ZMYM2: variants seen among roughly 807,000 people sequenced by gnomAD.
ZMYM2 encodes the protein zinc finger MYM-type protein 2.
ZMYM2 carries 56 observed loss-of-function variants against 162.8 expected under a neutral mutation model. The ratio of observed to expected loss-of-function variants is 0.34; its 90% CI spans 0.28 to 0.43. The LOEUF (loss-of-function observed/expected upper bound fraction) is 0.43. Ranked by LOEUF, ZMYM2 falls within the 20% of genes least tolerant of loss-of-function variation. ZMYM2 has a pLI of 1.00. For missense variants in ZMYM2, 1,275 were observed against 1,621.8 expected (o/e 0.79, Z 3.67); for synonymous variants, 510 against 541.6 (o/e 0.94, Z 0.81).
the ZMYM2 span, among the ~76,000 whole-genome samples, chr13:19,930,447 T>A: frequency 1.3e-5 from 2 of 152,218 alleles, no homozygotes; most frequent in Admixed American, 1.3e-4. Context: ...CTATTATTTT[T>A]AAAATTATCT....
At chr13:20,066,721 C>A (rs1413021845) in intron 19 of ZMYM2, 130 bp from the exon 20 acceptor site, 2 of 801,536 alleles carry the variant, frequency 2.5e-6, no homozygotes, top group Non-Finnish European at 3.5e-6. Flanking sequence ...TCCAAGTGGA[C>A]CCCTGCAGTT....
rs750397738 is a variant in ZMYM2, at chr13:20,062,803, G to T, written c.2912-43G>T. 1.5e-5 allele frequency: 23 copies of T among 1,495,116 alleles called. No individual in the cohort carries two copies. The South Asian group carries it at 2.2e-4, about 15-fold the overall frequency. 92.6% of individuals were successfully genotyped at this position (1,495,116 alleles called of 1,614,324 possible). A position where few individuals can be genotyped will look rare whatever the true frequency, so the allele number is the denominator to read the frequency against. On this transcript the variant is annotated intron_variant, in intron 17 of 24. Transcript: ENST00000610343. ...CAGATTAAATACAGATACCATTGGG[G>T]TTTTCTGTTTTGATTCCTAATGATA...
the ZMYM2 span, among the ~76,000 whole-genome samples, chr13:19,941,720 C>T: frequency 3.3e-4 from 21 of 63,000 alleles, no homozygotes; most frequent in Admixed American, 7.7e-4. Context: ...TGGCTTTCTG[C>T]TTTTTTTTTT....
At chr13:19,885,354 C>A in the ZMYM2 span, among the ~76,000 whole-genome samples, 1 of 152,174 alleles carries the variant, frequency 6.6e-6, no homozygotes, top group Non-Finnish European at 1.5e-5. Flanking sequence ...GTTTCTTAAG[C>A]TAGGATAAGA....
At chr13:19,885,871 A>ATGTG in the ZMYM2 span, among the ~76,000 whole-genome samples, 1 of 50,224 alleles carries the variant, frequency 2.0e-5, no homozygotes, top group Non-Finnish European at 5.3e-5. Context: ...AAATATATAT[A>ATGTG]TGTATATACA....
intron 2 of ZMYM2, among the ~76,000 whole-genome samples, chr13:19,973,914 C>T (rs907266092): frequency 6.6e-6 from 1 of 151,800 alleles, no homozygotes; most frequent in Non-Finnish European, 1.5e-5. Flanking sequence ...TATGTGTGGC[C>T]CAAGACAGTT....
chr13:20,043,943 GC>G (rs1954522588), intron 12 of ZMYM2, among the ~76,000 whole-genome samples: 1 of 152,092 alleles, frequency 6.6e-6, no homozygotes, highest in South Asian at 2.1e-4. Flanking sequence ...CAGGGTAGAA[GC>G]TATGATGGGG....
chr13:19,949,835 C>T, the ZMYM2 span, among the ~76,000 whole-genome samples: 8 of 136,630 alleles, frequency 5.9e-5, no homozygotes, highest in South Asian at 2.3e-4. Context: ...TGCAGCAAGT[C>T]GAGATCACGC....
chr13:19,976,480 G>A (rs532253906), intron 2 of ZMYM2, among the ~76,000 whole-genome samples: 5 of 151,502 alleles, frequency 3.3e-5, no homozygotes, highest in South Asian at 2.1e-4. Context: ...AATATTAGTC[G>A]GTATATTCAC....
intron 2 of ZMYM2, among the ~76,000 whole-genome samples, chr13:19,974,613 A>C (rs1956622452): frequency 6.6e-6 from 1 of 151,840 alleles, no homozygotes; most frequent in Non-Finnish European, 1.5e-5. Flanking sequence ...CTAGGATTAC[A>C]GGCACCCGCC....
intron 14 of ZMYM2, 135 bp downstream of exon 14, chr13:20,052,446 C>A: frequency 1.5e-6 from 1 of 676,636 alleles, no homozygotes; most frequent in Non-Finnish European, 2.4e-6. Context: ...GTGGAGTATT[C>A]AGCTGAATTA....
At chr13:20,060,658 A>G (rs1020784059) in intron 16 of ZMYM2, among the ~76,000 whole-genome samples, 3 of 152,150 alleles carry the variant, frequency 2.0e-5, no homozygotes, top group South Asian at 2.1e-4. Context: ...AGCCTGGGCA[A>G]CAAGAGTGAA....
chr13:20,022,129 G>T lies in ZMYM2; in HGVS notation c.1584+2511G>T, dbSNP rs186501863. Among the ~76,000 whole-genome samples the T allele has an allele frequency of 6.6e-4, 100 of 152,168 alleles. 1 individual carries two copies. Among genetic ancestry groups the T allele is most frequent in the African/African-American group, 2.3e-3 (94 of 41,530 alleles). Reference sequence around the variant, plus strand: ...AGAGTTTGAAAACCATTGTTTTTTTGTGTGTGTGTCTAATTTTCTAGTTGT... The same window carrying T: ...AGAGTTTGAAAACCATTGTTTTTTTTTGTGTGTGTCTAATTTTCTAGTTGT... On this transcript the variant is annotated intron_variant, in intron 7 of 24. Coordinates refer to ENST00000610343, the MANE Select transcript of ZMYM2 (RefSeq NM_197968.4).
At chr13:19,931,283 T>TC in the ZMYM2 span, among the ~76,000 whole-genome samples, 2 of 152,260 alleles carry the variant, frequency 1.3e-5, no homozygotes, top group East Asian at 1.9e-4. Context: ...TCAGTATTTT[T>TC]CCCCCCATCA....
chr13:19,959,035 G>A lies in ZMYM2; in HGVS notation c.-80+194G>A, dbSNP rs149274619. ...GCGCGGCCGCCGTCGCCGCTGCCGC[G>A]TCGGGGCCTCGGGGGCAGCTCGGGG... is the stretch of plus-strand genomic sequence containing the variant. On this transcript the variant is annotated intron_variant, in intron 1 of 24. Coordinates refer to ENST00000610343, the MANE Select transcript of ZMYM2 (RefSeq NM_197968.4). Among the ~76,000 whole-genome samples, 76 of 151,970 alleles carry A rather than the reference G, an allele frequency of 5.0e-4. 2 individuals are homozygous for A. In the East Asian group the frequency reaches 0.015, roughly 29 times the overall value.
intron 12 of ZMYM2, 149 bp from the exon 13 acceptor site, chr13:20,051,284 G>T (rs1300477213): frequency 1.0e-3 from 266 of 255,150 alleles, no homozygotes; most frequent in Non-Finnish European, 1.3e-3. Flanking sequence ...ATTTATTGTA[G>T]ATTTTACTGT....
chr13:19,930,174 G>A, the ZMYM2 span, among the ~76,000 whole-genome samples: 1 of 152,196 alleles, frequency 6.6e-6, no homozygotes. Flanking sequence ...GCTGAGGCAG[G>A]AGGATCACCT....
At chr13:19,986,208 A>G (rs1949126540) in intron 2 of ZMYM2, among the ~76,000 whole-genome samples, 1 of 151,498 alleles carries the variant, frequency 6.6e-6, no homozygotes, top group Non-Finnish European at 1.5e-5. Flanking sequence ...AAAACAAACA[A>G]ACAAACAAAA....
intron 20 of ZMYM2, 56 bp downstream of exon 20, chr13:20,067,075 ATT>A: frequency 2.0e-6 from 3 of 1,497,664 alleles, no homozygotes; most frequent in Non-Finnish European, 2.7e-6. Context: ...GATTTCTGTT[ATT>A]GAGTACCTTT....
Sources: allele counts gnomAD v4.1 joint callset (sites outside exome capture counted in the v4.1 genomes callset), GRCh38; gene constraint gnomAD v4.1.1; transcripts MANE v1.5; gene names NCBI Gene and HGNC (gene_info 2026-07-23, HGNC 2026-07-21).